TENM2: variants seen among roughly 807,000 people sequenced by gnomAD.
The protein encoded by TENM2 is teneurin-2.
TENM2 carries 52 observed loss-of-function variants against 245.2 expected under a neutral mutation model. The observed-to-expected ratio is 0.21, with a 90% confidence interval of 0.17 to 0.27. The LOEUF (loss-of-function observed/expected upper bound fraction) is 0.27, where lower values mean the gene tolerates loss of function less well. Ranked by LOEUF, TENM2 falls within the 10% of genes least tolerant of loss-of-function variation. The pLI is 1.00. For missense variants in TENM2, 3,046 were observed against 3,666.8 expected (o/e 0.83, Z 4.37); for synonymous variants, 1,363 against 1,438.9 (o/e 0.95, Z 1.19).
chr5:168,076,377 C>T (rs766725944), intron 7 of TENM2, among the ~76,000 whole-genome samples: 11 of 151,916 alleles, frequency 7.2e-5, no homozygotes, highest in Non-Finnish European at 1.3e-4. Context: ...AGGTGCACCC[C>T]ACCACACCCG....
chr5:168,070,653 G>A (rs2152122313), intron 7 of TENM2, among the ~76,000 whole-genome samples: 1 of 151,564 alleles, frequency 6.6e-6, no homozygotes. Context: ...TCCATGTATG[G>A]TGGTATCTGC....
At chr5:167,534,341 G>A (rs762000762) in intron 2 of TENM2, among the ~76,000 whole-genome samples, 14 of 152,140 alleles carry the variant, frequency 9.2e-5, no homozygotes, top group Admixed American at 2.0e-4. Context: ...TTCAAAGAGC[G>A]TGAAAACCAC....
At chr5:167,459,457 A>C (rs1045215597) in intron 2 of TENM2, among the ~76,000 whole-genome samples, 1 of 152,166 alleles carries the variant, frequency 6.6e-6, no homozygotes, top group African/African-American at 2.4e-5. Context: ...TGCTATGTAC[A>C]TGGTTGTATA....
At chr5:168,228,992 C>T (rs1050232690) in intron 25 of TENM2, among the ~76,000 whole-genome samples, 19 of 146,136 alleles carry the variant, frequency 1.3e-4, no homozygotes, top group African/African-American at 4.7e-4. Context: ...ACATAATATA[C>T]ATATATAATA....
At chr5:167,432,813 A>C (rs1263597113) in intron 2 of TENM2, among the ~76,000 whole-genome samples, 1 of 152,176 alleles carries the variant, frequency 6.6e-6, no homozygotes, top group Non-Finnish European at 1.5e-5. Context: ...CTTTGTATTC[A>C]GCAAATGTCA....
At chr5:168,238,211 G>A (rs1212126847) in intron 25 of TENM2, among the ~76,000 whole-genome samples, 1 of 40,740 alleles carries the variant, frequency 2.5e-5, no homozygotes, top group African/African-American at 1.2e-4. Context: ...GGGAGGGAGG[G>A]AGGGAGAGAG....
At chr5:167,125,231 T>C in the TENM2 span, among the ~76,000 whole-genome samples, 1 of 152,202 alleles carries the variant, frequency 6.6e-6, no homozygotes, top group African/African-American at 2.4e-5. Context: ...CCAAAAGCGA[T>C]TGAAGGCAGA....
At chr5:168,165,794 A>G (rs1758236555) in intron 13 of TENM2, 1 of 91,126 alleles carries the variant, frequency 1.1e-5, no homozygotes, top group Admixed American at 9.7e-5. Context: ...GTAATTAACC[A>G]CAAAGAAAAA....
chr5:167,213,401 G>A, the TENM2 span, among the ~76,000 whole-genome samples: 38 of 152,228 alleles, frequency 2.5e-4, no homozygotes, highest in African/African-American at 8.9e-4. Flanking sequence ...AGGCAGAAGG[G>A]GTAAGGGAGT....
At chr5:167,423,943 G>A (rs911105412) in intron 2 of TENM2, among the ~76,000 whole-genome samples, 4 of 152,146 alleles carry the variant, frequency 2.6e-5, no homozygotes, top group African/African-American at 9.7e-5. Context: ...GCTAATGGTA[G>A]CTGTCCCAAG....
the TENM2 span, among the ~76,000 whole-genome samples, chr5:167,028,386 A>G: frequency 6.6e-6 from 1 of 152,112 alleles, no homozygotes; most frequent in Non-Finnish European, 1.5e-5. Context: ...GGATATACAT[A>G]TACATTATAT....
At chr5:168,239,942 G>T (rs2152675145) in intron 25 of TENM2, among the ~76,000 whole-genome samples, 1 of 152,152 alleles carries the variant, frequency 6.6e-6, no homozygotes, top group South Asian at 2.1e-4. Context: ...CCACAGCTGG[G>T]CACGGTGGCT....
chr5:167,495,154 G>C (rs991175004), intron 2 of TENM2, among the ~76,000 whole-genome samples: 1 of 151,806 alleles, frequency 6.6e-6, no homozygotes, highest in Admixed American at 6.6e-5. Context: ...CAAACTTGTA[G>C]TTAAATAAAC....
chr5:167,529,420 C>T (rs570985235), intron 2 of TENM2, among the ~76,000 whole-genome samples: 96 of 152,282 alleles, frequency 6.3e-4, no homozygotes, highest in Middle Eastern at 6.8e-3. Flanking sequence ...GACTCTTCAG[C>T]AATGTTGCTA....
intron 2 of TENM2, among the ~76,000 whole-genome samples, chr5:167,452,535 G>A (rs1019272667): frequency 6.6e-6 from 1 of 152,130 alleles, no homozygotes; most frequent in East Asian, 1.9e-4. Flanking sequence ...AGTGACAATT[G>A]TTATGTGATG....
At chr5:167,219,820 G>T in the TENM2 span, among the ~76,000 whole-genome samples, 1 of 152,312 alleles carries the variant, frequency 6.6e-6, no homozygotes, top group South Asian at 2.1e-4. Flanking sequence ...TCGTTTGAAA[G>T]CATTCTAGTG....
At chr5:167,593,387 T>C (rs1215920115) in intron 2 of TENM2, among the ~76,000 whole-genome samples, 3 of 152,376 alleles carry the variant, frequency 2.0e-5, no homozygotes, top group African/African-American at 7.2e-5. Flanking sequence ...GTAGACCTTC[T>C]TCTTCTGATC....
intron 2 of TENM2, among the ~76,000 whole-genome samples, chr5:167,638,008 G>A (rs1779316003): frequency 6.6e-6 from 1 of 151,684 alleles, no homozygotes; most frequent in South Asian, 2.1e-4. Flanking sequence ...TGGGAGTCTG[G>A]CATGTAGGGT....
intron 16 of TENM2, 90 bp downstream of exon 18, chr5:168,199,204 A>G (rs1761720915): frequency 1.5e-6 from 2 of 1,359,842 alleles, no homozygotes; most frequent in Non-Finnish European, 2.0e-6. Context: ...ACCAGAAACT[A>G]ATATTGTAGG....
Sources: gnomAD v4.1 joint callset for allele counts (sites outside exome capture counted in the v4.1 genomes callset) on GRCh38, gnomAD v4.1.1 for gene constraint, MANE v1.5 for transcripts, NCBI Gene and HGNC (gene_info 2026-07-23, HGNC 2026-07-21) for gene names.